The following INVS variants were observed in gnomAD, a reference collection of about 807,000 sequenced individuals.
The protein encoded by INVS is inversin, also known as inversion of embryo turning homolog.
A neutral mutation model predicts 108.8 loss-of-function variants in INVS; 86 were observed. The observed-to-expected ratio is 0.79, with a 90% CI of 0.66 to 0.95. INVS has a LOEUF of 0.95. INVS is among the 40% of genes least tolerant of loss of function. INVS has a pLI of 0.00. For missense variants in INVS, 1,169 were observed against 1,297.4 expected (o/e 0.90, Z 1.52); for synonymous variants, 455 against 473.5 (o/e 0.96, Z 0.51).
At chr9:100,196,676 T>C (rs1830384103) in intron 3 of INVS, among the ~76,000 whole-genome samples, 1 of 148,442 alleles carries the variant, frequency 6.7e-6, no homozygotes, top group South Asian at 2.1e-4. Context: ...ATCATTATTA[T>C]GATAAAATTA....
intron 3 of INVS, among the ~76,000 whole-genome samples, chr9:100,185,695 G>A (rs556619819): frequency 2.1e-4 from 32 of 151,544 alleles, no homozygotes; most frequent in African/African-American, 6.0e-4. Flanking sequence ...TTATTCCTCT[G>A]CCCACTCTCA....
intron 5 of INVS, among the ~76,000 whole-genome samples, chr9:100,230,630 T>A (rs754757194): frequency 1.3e-5 from 2 of 152,176 alleles, no homozygotes; most frequent in Non-Finnish European, 2.9e-5. Context: ...GCAATTCTCC[T>A]GCCTCAGCGT....
chr9:100,213,006 C>A (rs1425424000), intron 3 of INVS, among the ~76,000 whole-genome samples: 1 of 152,084 alleles, frequency 6.6e-6, no homozygotes, highest in Non-Finnish European at 1.5e-5. Context: ...CTGGTGAGGG[C>A]CTGCTTCCTG....
intron 3 of INVS, among the ~76,000 whole-genome samples, chr9:100,180,696 A>G (rs1209474670): frequency 6.6e-6 from 1 of 152,166 alleles, no homozygotes; most frequent in Non-Finnish European, 1.5e-5. Flanking sequence ...ATTCTACCAG[A>G]GGTACAGAAA....
In INVS at chr9:100,292,900, T is replaced by C. The variant is rs201128300; in HGVS notation, c.2643T>C (p.Pro881=). ...FQVSKETDPA[P]GPLSGQSVNI... ...TATCTAAGGAGACTGATCCAGCACCTGGTCCCCTCTCTGGGCAGAGTGTGA... is the reference window on the plus strand; with the variant it reads ...TATCTAAGGAGACTGATCCAGCACCCGGTCCCCTCTCTGGGCAGAGTGTGA... Residue 881 remains proline (P), a synonymous_variant, in exon 14 of 17, where the codon CCT becomes CCC. Transcript: ENST00000262457. The C allele has an allele frequency of 4.6e-5, 75 of 1,614,044 alleles. No homozygotes were observed. Among genetic ancestry groups the C allele is most frequent in the Middle Eastern group, 1.6e-4 (1 of 6,084 alleles).
chr9:100,144,038 G>GC (rs1828521756), intron 3 of INVS, among the ~76,000 whole-genome samples: 1 of 152,112 alleles, frequency 6.6e-6, no homozygotes, highest in Non-Finnish European at 1.5e-5. Context: ...GGGAGTGGCT[G>GC]CCAGGTGAGT....
At chr9:100,202,181 C>T (rs1830553210) in intron 3 of INVS, among the ~76,000 whole-genome samples, 1 of 151,792 alleles carries the variant, frequency 6.6e-6, no homozygotes, top group South Asian at 2.1e-4. Flanking sequence ...TTACATCATT[C>T]AGGGAGTCAT....
intron 3 of INVS, among the ~76,000 whole-genome samples, chr9:100,132,704 T>C (rs1340226648): frequency 6.6e-6 from 1 of 152,236 alleles, no homozygotes; most frequent in South Asian, 2.1e-4. Context: ...GAAACTGAAC[T>C]CTACTCCTTT....
At chr9:100,126,672 A>AT (rs1185655126) in intron 3 of INVS, 123 bp downstream of exon 3, 2 of 943,582 alleles carry the variant, frequency 2.1e-6, no homozygotes, top group Non-Finnish European at 3.3e-6. Flanking sequence ...GGTTTTATAT[A>AT]TTTTCTCTAA....
At chr9:100,259,388 C>T (rs987130885) in intron 10 of INVS, among the ~76,000 whole-genome samples, 8 of 152,080 alleles carry the variant, frequency 5.3e-5, no homozygotes, top group Non-Finnish European at 1.0e-4. Flanking sequence ...GGTGATGCCC[C>T]ACCCTTCTTT....
intron 10 of INVS, among the ~76,000 whole-genome samples, chr9:100,259,514 G>A (rs1832539490): frequency 6.6e-6 from 1 of 150,624 alleles, no homozygotes; most frequent in East Asian, 2.0e-4. Context: ...GCTGAGAGCT[G>A]TAGACTGGAG....
chr9:100,288,043 CAA>C (rs1332612050), intron 13 of INVS, among the ~76,000 whole-genome samples: 2 of 152,120 alleles, frequency 1.3e-5, no homozygotes, highest in African/African-American at 4.8e-5. Context: ...CCACAGTAGA[CAA>C]AAGAGGGTGG....
At position 100,273,000 on chromosome 9, in the gene INVS, A is replaced by G; in HGVS notation, c.1708A>G (p.Lys570Glu). The change falls in exon 12 of 17, where the codon AAG becomes GAG. Residue 570 changes from lysine (K) to glutamate (E), a missense_variant. Physicochemically the swap from Lys to Glu is moderately conservative, Grantham distance 56. This residue lies in a region of INVS where 271 missense variants were observed against 363.8 expected (regional missense o/e 0.74). Transcript: ENST00000262457. ...FKIQAVYKGY[K>E]VRKAFRDRKN... ...AATCCAAGCTGTCTACAAAGGGTAC[A>G]AGGTCAGAAAAGCCTTCCGAGACAG... is the stretch of plus-strand genomic sequence containing the variant. The G allele has an allele frequency of 6.2e-7, 1 of 1,614,098 alleles. No individual in the cohort carries two copies. The highest frequency in any genetic ancestry group is 8.5e-7 in the Non-Finnish European group (1 of 1,180,022).
chr9:100,261,045 T>C (rs1405454623), intron 10 of INVS, among the ~76,000 whole-genome samples: 1 of 152,212 alleles, frequency 6.6e-6, no homozygotes, highest in Non-Finnish European at 1.5e-5. Context: ...TTATCTCAGT[T>C]TAGCCAGTAT....
At chr9:100,266,675 CCTT>C (rs1341106389) in intron 11 of INVS, among the ~76,000 whole-genome samples, 3 of 152,148 alleles carry the variant, frequency 2.0e-5, no homozygotes, top group South Asian at 4.1e-4. Context: ...AATGCCTTAA[CCTT>C]CTGGGAATGC....
At chr9:100,237,751 C>T (rs374358551) in intron 5 of INVS, among the ~76,000 whole-genome samples, 42 of 152,250 alleles carry the variant, frequency 2.8e-4, no homozygotes, top group South Asian at 1.7e-3. Flanking sequence ...AATCACTCAC[C>T]TTCTGCATTG....
chr9:100,143,615 G>A (rs1346283363), intron 3 of INVS, among the ~76,000 whole-genome samples: 2 of 152,106 alleles, frequency 1.3e-5, no homozygotes, highest in Admixed American at 1.3e-4. Context: ...AGGTGTGGCT[G>A]TAGCCCAGGA....
intron 3 of INVS, among the ~76,000 whole-genome samples, chr9:100,213,834 T>C: frequency 6.6e-6 from 1 of 152,134 alleles, no homozygotes; most frequent in Non-Finnish European, 1.5e-5. Flanking sequence ...GAGGAAGACA[T>C]TACCTCATCT....
chr9:100,297,850 C>G (rs1269259166), intron 15 of INVS, 86 bp from the exon 16 acceptor site: 5 of 1,349,836 alleles, frequency 3.7e-6, no homozygotes, highest in Non-Finnish European at 5.3e-6. Context: ...CAAGCTCAAG[C>G]CTTTACCACA....
Sources: gnomAD v4.1 joint callset for allele counts (sites outside exome capture counted in the v4.1 genomes callset) on GRCh38, gnomAD v4.1.1 for gene constraint, gnomAD v4.1.1 regional missense constraint, MANE v1.5 for transcripts, NCBI Gene and HGNC (gene_info 2026-07-23, HGNC 2026-07-21) for gene names.